MDFIC2: variants seen among roughly 807,000 people sequenced by gnomAD.
MDFIC2 encodes MyoD family inhibitor domain containing 2.
intron 2 of MDFIC2, among the ~76,000 whole-genome samples, chr3:70,243,209 T>C (rs1701677899): frequency 2.0e-5 from 3 of 152,118 alleles, no homozygotes; most frequent in Non-Finnish European, 4.4e-5. Context: ...TGTTGAGGAT[T>C]GGGGGCTGTG....
intron 2 of MDFIC2, among the ~76,000 whole-genome samples, chr3:70,282,523 C>T (rs933062042): frequency 6.6e-6 from 1 of 152,174 alleles, no homozygotes; most frequent in African/African-American, 2.4e-5. Flanking sequence ...TATCACTCAG[C>T]CTGGTTCATT....
At chr3:70,214,875 G>T (rs1314531435) in intron 2 of MDFIC2, among the ~76,000 whole-genome samples, 2 of 151,938 alleles carry the variant, frequency 1.3e-5, no homozygotes, top group Non-Finnish European at 2.9e-5. Flanking sequence ...TAAAGATTAT[G>T]TTATCTGAGA....
intron 2 of MDFIC2, among the ~76,000 whole-genome samples, chr3:70,267,956 CTCCTT>C (rs1701935991): frequency 2.0e-5 from 3 of 151,694 alleles, no homozygotes; most frequent in South Asian, 4.2e-4. Context: ...CTTTCCCCTT[CTCCTT>C]TCCTTTCGCC....
At chr3:70,227,680 C>T (rs1198719734) in intron 2 of MDFIC2, among the ~76,000 whole-genome samples, 2 of 152,192 alleles carry the variant, frequency 1.3e-5, no homozygotes, top group Admixed American at 6.5e-5. Flanking sequence ...TTTCTACAGG[C>T]TTTTGAGATG....
At chr3:70,290,345 G>T (rs565579814) in intron 2 of MDFIC2, among the ~76,000 whole-genome samples, 2 of 152,264 alleles carry the variant, frequency 1.3e-5, no homozygotes, top group Middle Eastern at 3.4e-3. Context: ...TGCCCCTGTT[G>T]GGGGGTGCCT....
intron 2 of MDFIC2, among the ~76,000 whole-genome samples, chr3:70,226,589 T>G (rs1003626413): frequency 6.6e-6 from 1 of 151,404 alleles, no homozygotes; most frequent in Non-Finnish European, 1.5e-5. Flanking sequence ...AATACAAAAA[T>G]TAGCCAGGCA....
chr3:70,257,312 T>C (rs942156218), intron 2 of MDFIC2, among the ~76,000 whole-genome samples: 1 of 152,188 alleles, frequency 6.6e-6, no homozygotes, highest in Non-Finnish European at 1.5e-5. Context: ...AATGGAGATA[T>C]TGGGGAAGAA....
chr3:70,227,771 C>G (rs1178420351), intron 2 of MDFIC2, among the ~76,000 whole-genome samples: 3 of 152,114 alleles, frequency 2.0e-5, no homozygotes, highest in Non-Finnish European at 4.4e-5. Flanking sequence ...CTACTACCCT[C>G]CATGTTTTAC....
At chr3:70,264,769 G>C (rs1200055148) in intron 2 of MDFIC2, among the ~76,000 whole-genome samples, 2 of 152,228 alleles carry the variant, frequency 1.3e-5, no homozygotes. Flanking sequence ...TGAATCTCAT[G>C]ATAGGGAAAA....
At chr3:70,253,858 G>GA (rs1381551049) in intron 2 of MDFIC2, among the ~76,000 whole-genome samples, 9 of 152,018 alleles carry the variant, frequency 5.9e-5, no homozygotes, top group Admixed American at 5.9e-4. Flanking sequence ...AAGCTTAAGT[G>GA]AAAAAAATTC....
Position 70,195,470 on chromosome 3 carries a change from T to C in MDFIC2, c.*1456A>G, listed in dbSNP as rs1701167079. On this transcript the variant is annotated 3_prime_UTR_variant, in exon 4 of 4. Coordinates refer to ENST00000567252, the MANE Select transcript of MDFIC2 (RefSeq NM_001364677.1). ...ACAAATATTTTTAACAGATGAATAG[T>C]TTTCAATGTTTGGGAGAGTTTATTT... Among the ~76,000 whole-genome samples, 1 of 152,158 alleles carries C rather than the reference T, an allele frequency of 6.6e-6. No homozygotes were observed.
chr3:70,224,167 C>T (rs930699746), intron 2 of MDFIC2, among the ~76,000 whole-genome samples: 2 of 152,072 alleles, frequency 1.3e-5, no homozygotes, highest in African/African-American at 4.8e-5. Flanking sequence ...AAACTGGATT[C>T]GTAGACTTTG....
intron 2 of MDFIC2, among the ~76,000 whole-genome samples, chr3:70,284,545 C>T (rs1335974253): frequency 6.6e-6 from 1 of 152,162 alleles, no homozygotes; most frequent in Non-Finnish European, 1.5e-5. Context: ...GGTACATATA[C>T]ACCACGGAAT....
chr3:70,285,040 A>G (rs186367415), intron 2 of MDFIC2, among the ~76,000 whole-genome samples: 8 of 147,328 alleles, frequency 5.4e-5, no homozygotes, highest in African/African-American at 7.5e-5. Context: ...TTTTTTACTT[A>G]TTTTTTTTTA....
At chr3:70,230,750 A>T (rs887586899) in intron 2 of MDFIC2, among the ~76,000 whole-genome samples, 1 of 152,176 alleles carries the variant, frequency 6.6e-6, no homozygotes, top group Non-Finnish European at 1.5e-5. Flanking sequence ...CCATGCCTTC[A>T]CCCTCCTTGA....
chr3:70,294,811 A>T (rs1401911480), intron 2 of MDFIC2, among the ~76,000 whole-genome samples: 5 of 152,104 alleles, frequency 3.3e-5, no homozygotes, highest in Non-Finnish European at 7.4e-5. Context: ...GGCTTCTCTT[A>T]TAAGATGGTT....
intron 2 of MDFIC2, among the ~76,000 whole-genome samples, chr3:70,293,990 G>C (rs1368983563): frequency 1.3e-5 from 2 of 152,046 alleles, no homozygotes; most frequent in Admixed American, 6.6e-5. Flanking sequence ...TCACTCAAGA[G>C]TTTGAGTGTA....
intron 2 of MDFIC2, among the ~76,000 whole-genome samples, chr3:70,251,799 C>T (rs536926804): frequency 3.3e-5 from 5 of 152,308 alleles, no homozygotes; most frequent in African/African-American, 1.2e-4. Flanking sequence ...AGCTTTGAGT[C>T]AAACCCTACT....
intron 2 of MDFIC2, among the ~76,000 whole-genome samples, chr3:70,242,157 C>A (rs1404768813): frequency 6.6e-6 from 1 of 152,156 alleles, no homozygotes. Flanking sequence ...TGTATTTCTA[C>A]TGGTAAAAGC....
Sources: allele counts gnomAD v4.1 joint callset (sites outside exome capture counted in the v4.1 genomes callset), GRCh38; gene constraint gnomAD v4.1.1; transcripts MANE v1.5; gene names NCBI Gene and HGNC (gene_info 2026-07-23, HGNC 2026-07-21).